PABPC4L: variants seen among roughly 807,000 people sequenced by gnomAD.
The protein encoded by PABPC4L is poly(A) binding protein cytoplasmic 4 like.
For missense variants in PABPC4L, 452 were observed against 451.4 expected (o/e 1.00, Z -0.01); for synonymous variants, 169 against 164.1 (o/e 1.03, Z -0.23).
At chr4:134,175,416 T>G in the PABPC4L span, among the ~76,000 whole-genome samples, 1 of 151,960 alleles carries the variant, frequency 6.6e-6, no homozygotes, top group Non-Finnish European at 1.5e-5. Flanking sequence ...TTAATTTAAT[T>G]TATTTTTTAA....
At position 134,196,524 on chromosome 4, in the gene PABPC4L, G is replaced by GT. The variant is rs1217804719; in HGVS notation, c.*3382dup. The GT allele has an allele frequency of 6.6e-6, 1 of 151,676 alleles. No homozygotes were observed. Among genetic ancestry groups the GT allele is most frequent in the African/African-American group, 2.4e-5 (1 of 41,412 alleles). 9.4% of individuals were successfully genotyped at this position (151,676 alleles called of 1,614,324 possible). On this transcript the variant is annotated 3_prime_UTR_variant, in exon 2 of 2. Transcript: ENST00000421491. ...TTGAAATGGCTGTACATGTAAGCAGGTAACTACACAGCAGACGTGGCAATA... is the reference window on the plus strand; with the variant it reads ...TTGAAATGGCTGTACATGTAAGCAGGTTAACTACACAGCAGACGTGGCAATA...
At chr4:134,086,025 T>A in the PABPC4L span, among the ~76,000 whole-genome samples, 58 of 152,288 alleles carry the variant, frequency 3.8e-4, no homozygotes, top group African/African-American at 1.3e-3. Context: ...TAATCACTTC[T>A]AACAATAGTG....
At chr4:134,037,992 G>A in the PABPC4L span, among the ~76,000 whole-genome samples, 4 of 152,042 alleles carry the variant, frequency 2.6e-5, no homozygotes, top group Non-Finnish European at 4.4e-5. Flanking sequence ...TTTGAGATAC[G>A]TTTCATCAAT....
chr4:134,001,718 C>T, the PABPC4L span, among the ~76,000 whole-genome samples: 1 of 152,100 alleles, frequency 6.6e-6, no homozygotes. Flanking sequence ...TTAAAATACA[C>T]ATACATACTA....
At chr4:134,003,201 C>A in the PABPC4L span, among the ~76,000 whole-genome samples, 4 of 152,034 alleles carry the variant, frequency 2.6e-5, no homozygotes, top group Admixed American at 1.3e-4. Context: ...CAAATTAAGA[C>A]AAAGAAATAT....
the PABPC4L span, among the ~76,000 whole-genome samples, chr4:134,035,903 A>G: frequency 1.3e-5 from 2 of 151,940 alleles, no homozygotes; most frequent in African/African-American, 2.4e-5. Context: ...TTTTCAGTGT[A>G]CTTTAAATTA....
chr4:134,038,505 T>C, the PABPC4L span, among the ~76,000 whole-genome samples: 2 of 152,154 alleles, frequency 1.3e-5, no homozygotes, highest in Non-Finnish European at 2.9e-5. Context: ...CAGAACTTGT[T>C]ATTGGTCTAT....
chr4:133,994,850 C>T, the PABPC4L span, among the ~76,000 whole-genome samples: 1 of 152,142 alleles, frequency 6.6e-6, no homozygotes, highest in African/African-American at 2.4e-5. Flanking sequence ...CTATTAATTA[C>T]CCCTGTGATC....
chr4:134,107,414 T>C, the PABPC4L span, among the ~76,000 whole-genome samples: 108 of 151,440 alleles, frequency 7.1e-4, 1 homozygote, highest in Middle Eastern at 6.8e-3. Context: ...GAAATATCAC[T>C]GTTTAATTTA....
chr4:134,010,232 C>A, the PABPC4L span, among the ~76,000 whole-genome samples: 1 of 151,828 alleles, frequency 6.6e-6, no homozygotes, highest in African/African-American at 2.4e-5. Flanking sequence ...AATTTGCAAC[C>A]TGCTTTACAA....
chr4:133,995,019 G>A, the PABPC4L span, among the ~76,000 whole-genome samples: 1 of 152,112 alleles, frequency 6.6e-6, no homozygotes, highest in African/African-American at 2.4e-5. Context: ...CACTCCCAGA[G>A]GTGGCCGCTC....
At chr4:133,987,796 A>G in the PABPC4L span, among the ~76,000 whole-genome samples, 2 of 152,230 alleles carry the variant, frequency 1.3e-5, no homozygotes, top group African/African-American at 2.4e-5. Flanking sequence ...TTCTTCTGAT[A>G]TACAAGCATA....
the PABPC4L span, among the ~76,000 whole-genome samples, chr4:134,026,834 C>T: frequency 6.6e-6 from 1 of 152,004 alleles, no homozygotes; most frequent in Non-Finnish European, 1.5e-5. Context: ...CAGAGGTCTA[C>T]GAGCCAAAGA....
the PABPC4L span, among the ~76,000 whole-genome samples, chr4:134,087,143 C>T: frequency 2.5e-4 from 38 of 151,984 alleles, no homozygotes; most frequent in South Asian, 3.5e-3. Context: ...ATGTTTATTG[C>T]GGCATTATTC....
At chr4:134,143,504 A>G in the PABPC4L span, among the ~76,000 whole-genome samples, 2 of 150,548 alleles carry the variant, frequency 1.3e-5, no homozygotes, top group East Asian at 3.9e-4. Flanking sequence ...ATAAATACTC[A>G]TTTGGAATTT....
chr4:133,949,427 G>A, the PABPC4L span, among the ~76,000 whole-genome samples: 16 of 152,218 alleles, frequency 1.1e-4, no homozygotes, highest in African/African-American at 3.6e-4. Flanking sequence ...CAATACTCGG[G>A]CTTTCTTTCA....
chr4:134,074,944 G>T, the PABPC4L span, among the ~76,000 whole-genome samples: 1 of 152,136 alleles, frequency 6.6e-6, no homozygotes, highest in East Asian at 1.9e-4. Context: ...TGAGATTTGG[G>T]TGGGGACACA....
At chr4:134,033,103 A>T in the PABPC4L span, among the ~76,000 whole-genome samples, 1 of 150,486 alleles carries the variant, frequency 6.6e-6, no homozygotes, top group South Asian at 2.1e-4. Context: ...TTACAAAAGG[A>T]GGTACTCACT....
At chr4:133,967,861 C>T in the PABPC4L span, among the ~76,000 whole-genome samples, 1 of 152,026 alleles carries the variant, frequency 6.6e-6, no homozygotes, top group Non-Finnish European at 1.5e-5. Flanking sequence ...AAAGGCAAGG[C>T]AAGAATATAA....
Sources: allele counts gnomAD v4.1 joint callset (sites outside exome capture counted in the v4.1 genomes callset), GRCh38; gene constraint gnomAD v4.1.1; transcripts MANE v1.5; gene names NCBI Gene and HGNC (gene_info 2026-07-23, HGNC 2026-07-21).